Variants in GLIS3 observed in about 807,000 individuals in gnomAD.
GLIS3 encodes zinc finger protein GLIS3.
Under a neutral mutation model 78.6 loss-of-function variants are expected in GLIS3, and 53 were observed. The observed-to-expected ratio is 0.67, with a 90% CI of 0.54 to 0.85. The LOEUF is 0.85. Ranked by LOEUF, GLIS3 falls within the 40% of genes least tolerant of loss-of-function variation. The pLI, the probability that GLIS3 is intolerant of heterozygous loss-of-function variation, is 0.00. For missense variants in GLIS3, 1,703 were observed against 1,231.1 expected, an observed-to-expected ratio of 1.38 and a Z score of -5.74; for synonymous variants, 684 against 509.9, an observed-to-expected ratio of 1.34 and a Z score of -4.60.
intron 4 of GLIS3, among the ~76,000 whole-genome samples, chr9:3,952,587 T>C (rs920090066): frequency 2.0e-5 from 3 of 152,200 alleles, no homozygotes; most frequent in Non-Finnish European, 4.4e-5. Context: ...ACTTGCCAGG[T>C]GCTCCATGCG....
intron 7 of GLIS3, among the ~76,000 whole-genome samples, chr9:3,879,838 G>A (rs978776385): frequency 3.9e-5 from 6 of 152,096 alleles, no homozygotes; most frequent in Admixed American, 2.0e-4. Flanking sequence ...CCTAAGTGCT[G>A]CCATGCCCTG....
Position 4,213,981 on chromosome 9 carries a change from GAGAC to G in GLIS3, c.388+72053_388+72056del, listed in dbSNP as rs530156634. ...ACAAAAATAAACAAAAAAAATTTCA[GAGAC>G]AGACAGGTTATTAAAAAAAATAAGT... On this transcript the variant is annotated intron_variant, in intron 2 of 10. Transcript: ENST00000381971. 1.8e-4 allele frequency among the ~76,000 whole-genome samples: 27 copies of G among 149,788 alleles called. No homozygotes were observed. The South Asian group carries it at 3.2e-3, about 18-fold the overall frequency.
chr9:4,475,734 G>C, the GLIS3 span, among the ~76,000 whole-genome samples: 2 of 152,182 alleles, frequency 1.3e-5, no homozygotes, highest in Non-Finnish European at 2.9e-5. Context: ...TTGTGTACAA[G>C]GGAGGGGAAT....
rs751461025 is a variant in GLIS3, at chr9:3,829,457, G to A, written c.2509C>T (p.His837Tyr). ...ACAATTCTCTGGGAATCGGGGTAGT[G>A]TGGGGGACAGAACTTCTGCAGCTGC... Reference protein sequence around the residue: ...YGQLQKFCPPHYPDSQRIVPP... With the variant: ...YGQLQKFCPPYYPDSQRIVPP... Residue 837 changes from histidine (H) to tyrosine (Y), a missense_variant, in exon 10 of 11, where the codon CAC (histidine) becomes TAC (tyrosine). Coordinates refer to ENST00000381971, the MANE Select transcript of GLIS3 (RefSeq NM_001042413.2). 5.6e-6 allele frequency: 9 copies of A among 1,614,028 alleles called. No homozygotes were observed. The East Asian group carries it at 1.1e-4, about 20-fold the overall frequency.
At chr9:4,067,978 A>C (rs1004743720) in intron 4 of GLIS3, among the ~76,000 whole-genome samples, 1 of 152,128 alleles carries the variant, frequency 6.6e-6, no homozygotes, top group Non-Finnish European at 1.5e-5. Flanking sequence ...ATAATAGAAA[A>C]AGTCCTCAGA....
At chr9:4,216,578 G>C (rs993223198) in intron 2 of GLIS3, among the ~76,000 whole-genome samples, 2 of 152,082 alleles carry the variant, frequency 1.3e-5, no homozygotes, top group African/African-American at 4.8e-5. Flanking sequence ...CCCAGCCAGG[G>C]TTCTGAAGGA....
At chr9:4,098,841 C>T (rs889301668) in intron 4 of GLIS3, among the ~76,000 whole-genome samples, 6 of 152,176 alleles carry the variant, frequency 3.9e-5, no homozygotes, top group Admixed American at 6.6e-5. Flanking sequence ...TTAGTTCTCA[C>T]GTACTGCCAA....
intron 2 of GLIS3, among the ~76,000 whole-genome samples, chr9:4,243,193 G>C (rs1325096187): frequency 6.6e-6 from 1 of 152,102 alleles, no homozygotes; most frequent in Admixed American, 6.6e-5. Context: ...TAATAATTAA[G>C]GGAGCTTAGC....
At chr9:3,829,204 T>TG in intron 10 of GLIS3, 106 bp downstream of exon 10, 1 of 910,742 alleles carries the variant, frequency 1.1e-6, no homozygotes, top group South Asian at 1.4e-5. Context: ...CAGGATTTGA[T>TG]GCGGTCATGT....
intron 3 of GLIS3, among the ~76,000 whole-genome samples, chr9:4,309,867 G>C (rs1476393078): frequency 1.3e-5 from 2 of 152,076 alleles, no homozygotes; most frequent in South Asian, 2.1e-4. Context: ...CTTTGTATTA[G>C]AGTACAATAA....
chr9:3,835,825 G>T (rs1229895906), intron 9 of GLIS3, among the ~76,000 whole-genome samples: 1 of 152,052 alleles, frequency 6.6e-6, no homozygotes, highest in East Asian at 1.9e-4. Flanking sequence ...TCATTTACTT[G>T]ACAACTATTC....
chr9:4,096,347 A>G (rs941818513), intron 4 of GLIS3, among the ~76,000 whole-genome samples: 1 of 152,226 alleles, frequency 6.6e-6, no homozygotes, highest in African/African-American at 2.4e-5. Flanking sequence ...TACATAGTCC[A>G]GGAATAGTTT....
intron 4 of GLIS3, among the ~76,000 whole-genome samples, chr9:4,084,360 C>T (rs1023772424): frequency 2.6e-5 from 4 of 151,424 alleles, no homozygotes; most frequent in African/African-American, 9.7e-5. Context: ...CGGTTCTCTA[C>T]ATTTGAAGAA....
intron 7 of GLIS3, among the ~76,000 whole-genome samples, chr9:3,886,377 T>C (rs1822071841): frequency 6.6e-6 from 1 of 152,226 alleles, no homozygotes; most frequent in African/African-American, 2.4e-5. Context: ...TACACACCTT[T>C]TGAGTTACAA....
chr9:4,004,761 T>C (rs1235782215), intron 4 of GLIS3, among the ~76,000 whole-genome samples: 2 of 152,196 alleles, frequency 1.3e-5, no homozygotes, highest in Non-Finnish European at 2.9e-5. Flanking sequence ...TACTGTGTGG[T>C]CCTTACAGAA....
chr9:4,024,031 A>C (rs1023059008), intron 4 of GLIS3, among the ~76,000 whole-genome samples: 7 of 145,120 alleles, frequency 4.8e-5, no homozygotes, highest in South Asian at 4.3e-4. Context: ...AAAACAAAAA[A>C]AAACAAAAAA....
At chr9:4,276,704 C>G (rs923772280) in intron 2 of GLIS3, among the ~76,000 whole-genome samples, 9 of 152,096 alleles carry the variant, frequency 5.9e-5, no homozygotes, top group Non-Finnish European at 1.0e-4. Context: ...CTGAAACCCC[C>G]TTTTATAATT....
intron 4 of GLIS3, among the ~76,000 whole-genome samples, chr9:4,019,956 T>A (rs527832219): frequency 6.6e-6 from 1 of 152,256 alleles, no homozygotes; most frequent in East Asian, 1.9e-4. Context: ...CGGGGTATTG[T>A]TATGTTACAC....
At chr9:4,278,834 C>T (rs1165233952) in intron 2 of GLIS3, among the ~76,000 whole-genome samples, 1 of 152,230 alleles carries the variant, frequency 6.6e-6, no homozygotes, top group Non-Finnish European at 1.5e-5. Flanking sequence ...TCAAATATAG[C>T]ATCACAAATA....
Sources: allele counts gnomAD v4.1 joint callset (sites outside exome capture counted in the v4.1 genomes callset), GRCh38; gene constraint gnomAD v4.1.1; transcripts MANE v1.5; gene names NCBI Gene and HGNC (gene_info 2026-07-23, HGNC 2026-07-21).